The following WDPCP variants were observed in gnomAD, a reference collection of about 807,000 sequenced individuals.
WDPCP encodes WD repeat containing planar cell polarity effector.
In WDPCP, 71 loss-of-function variants were observed where a neutral mutation model predicts 93.1. That is an observed-to-expected ratio of 0.76 (90% confidence interval 0.63 to 0.93). The LOEUF (loss-of-function observed/expected upper bound fraction) is 0.93, where lower values mean the gene tolerates loss of function less well. Among genes scored for constraint, WDPCP ranks in the 40% least tolerant of loss-of-function variants. The probability of loss-of-function intolerance (pLI) is 0.00; values close to 1 mark genes in which losing one functional copy is unlikely to be tolerated. For missense variants in WDPCP, 844 were observed against 887.4 expected, an observed-to-expected ratio of 0.95 and a Z score of 0.62; for synonymous variants, 315 against 315.0, an observed-to-expected ratio of 1.00 and a Z score of 0.00.
intron 13 of WDPCP, among the ~76,000 whole-genome samples, chr2:63,266,399 A>T (rs1186714218): frequency 6.6e-6 from 1 of 152,236 alleles, no homozygotes; most frequent in African/African-American, 2.4e-5. Context: ...AATTCCATTT[A>T]TACTAGCACC....
In WDPCP at chr2:63,174,699, T is replaced by C; in HGVS notation, c.2049A>G (p.Gln683=). 2 of 1,613,980 alleles carry C rather than the reference T, an allele frequency of 1.2e-6. No homozygotes were observed. The highest frequency in any genetic ancestry group is 1.1e-5 in the South Asian group (1 of 91,078). Residue 683 remains glutamine (Q), a synonymous_variant, in exon 15 of 18, where the codon CAA becomes CAG. Transcript: ENST00000272321. ...PSCPTHRHIL[Q]QRILNGSSNR... is the part of the protein sequence containing the mutation. ...TAGAAGAGCCATTCAGTATTCTTTG[T>C]TGTAAAATATGTCTGTGGGTTGGGC...
Position 63,420,531 on chromosome 2 carries a change from T to A in WDPCP, c.825+13214A>T, listed in dbSNP as rs1328614320. On this transcript the variant is annotated intron_variant, in intron 9 of 17. Coordinates refer to ENST00000272321, the MANE Select transcript of WDPCP (RefSeq NM_015910.7). ...CCTGGGCAACAGAAGTGAAACTCCA[T>A]CTCAAAAAAAAAAAAAAAGAATGAA... Among the ~76,000 whole-genome samples the A allele has an allele frequency of 1.7e-4, 20 of 119,050 alleles. No individual in the cohort carries two copies. In the East Asian group the frequency reaches 6.6e-3, roughly 39 times the overall value. 78.1% of individuals were successfully genotyped at this position (119,050 alleles called of 152,430 possible).
At chr2:63,816,765 TATTCATAA>T (rs1670938245) in intron 1 of WDPCP, among the ~76,000 whole-genome samples, 1 of 152,186 alleles carries the variant, frequency 6.6e-6, no homozygotes, top group South Asian at 2.1e-4. Context: ...AAATGTGGTA[TATTCATAA>T]AATGGAATGC....
chr2:63,529,544 C>G (rs1036312014), intron 1 of WDPCP, among the ~76,000 whole-genome samples: 2 of 152,180 alleles, frequency 1.3e-5, no homozygotes, highest in South Asian at 2.1e-4. Flanking sequence ...TTGAACCAGG[C>G]TTGCATCCCA....
chr2:63,416,844 T>C (rs904785965), intron 9 of WDPCP, among the ~76,000 whole-genome samples: 2 of 152,204 alleles, frequency 1.3e-5, no homozygotes, highest in Non-Finnish European at 2.9e-5. Context: ...ATGTTTAAAG[T>C]ATTTTAAATA....
Position 63,503,696 on chromosome 2 carries a change from A to T in WDPCP, c.76-10756T>A, listed in dbSNP as rs568510033. Among the ~76,000 whole-genome samples the T allele has an allele frequency of 2.0e-5, 3 of 152,318 alleles. No homozygotes were observed. The South Asian group carries it at 6.2e-4, about 32-fold the overall frequency. On this transcript the variant is annotated intron_variant, in intron 1 of 17. Transcript: ENST00000272321. ...ATTAAAACTCTATAAATATAATTTT[A>T]TGCCATACTTGAATAAATTGAAAAA...
At chr2:63,127,876 A>C (rs1055512096) in intron 17 of WDPCP, among the ~76,000 whole-genome samples, 3 of 151,988 alleles carry the variant, frequency 2.0e-5, no homozygotes, top group Non-Finnish European at 4.4e-5. Flanking sequence ...ATGGTGGCTC[A>C]CGACTGTAAT....
chr2:63,722,153 C>T (rs1271934991), intron 2 of WDPCP, among the ~76,000 whole-genome samples: 3 of 152,088 alleles, frequency 2.0e-5, no homozygotes, highest in African/African-American at 7.2e-5. Flanking sequence ...GCCGCCACCC[C>T]GTCTGGGAAG....
At chr2:63,175,947 A>C (rs186047672) in intron 14 of WDPCP, among the ~76,000 whole-genome samples, 41 of 152,286 alleles carry the variant, frequency 2.7e-4, no homozygotes, top group Middle Eastern at 3.4e-3. Context: ...ACATATACTC[A>C]GAAGGGGGAT....
At chr2:63,790,782 A>G (rs1575773926) in intron 2 of WDPCP, among the ~76,000 whole-genome samples, 1 of 152,240 alleles carries the variant, frequency 6.6e-6, no homozygotes, top group East Asian at 1.9e-4. Flanking sequence ...ACTTAATGAC[A>G]TAAGGAAAAT....
chr2:63,735,510 T>C (rs773074677), intron 2 of WDPCP, among the ~76,000 whole-genome samples: 1 of 152,138 alleles, frequency 6.6e-6, no homozygotes, highest in African/African-American at 2.4e-5. Flanking sequence ...TTGGATGCCA[T>C]GAGAAAGAGT....
chr2:63,318,967 A>G (rs548626420), intron 12 of WDPCP, among the ~76,000 whole-genome samples: 2 of 152,308 alleles, frequency 1.3e-5, no homozygotes, highest in African/African-American at 4.8e-5. Flanking sequence ...AAGTTTAAAA[A>G]AAGAAAAAGC....
At chr2:63,739,490 G>A (rs972591147) in intron 2 of WDPCP, among the ~76,000 whole-genome samples, 5 of 151,972 alleles carry the variant, frequency 3.3e-5, no homozygotes, top group African/African-American at 4.8e-5. Flanking sequence ...ATGAACATTC[G>A]GATGCATATA....
At position 63,246,051 on chromosome 2, in the gene WDPCP, T is replaced by C. The variant is rs946898603; in HGVS notation, c.1915+13256A>G. ...CTGACACCAGAACAAGTCTATAATA[T>C]TGATGAAACATCACTGTTTTTGTTA... is the stretch of plus-strand genomic sequence containing the variant. On this transcript the variant is annotated intron_variant, in intron 14 of 17. Transcript: ENST00000272321. Among the ~76,000 whole-genome samples the C allele has an allele frequency of 5.3e-5, 8 of 152,290 alleles. No homozygotes were observed. In the Middle Eastern group the frequency reaches 0.01, roughly 194 times the overall value.
chr2:63,258,962 G>A (rs1164435369), intron 14 of WDPCP, among the ~76,000 whole-genome samples: 3 of 152,240 alleles, frequency 2.0e-5, no homozygotes, highest in South Asian at 4.2e-4. Context: ...ACATGTCTGT[G>A]TATAAATAAA....
chr2:63,120,166 A>G lies in WDPCP; in HGVS notation c.*1840T>C, dbSNP rs1267060589. On this transcript the variant is annotated 3_prime_UTR_variant, in exon 18 of 18. Transcript: ENST00000272321. Reference sequence around the variant, plus strand: ...ATCTGGAGAAAATTCTGCAATCTTGACAAAACCCTATTTTTTTAAATACAA... The same window carrying G: ...ATCTGGAGAAAATTCTGCAATCTTGGCAAAACCCTATTTTTTTAAATACAA... Among the ~76,000 whole-genome samples the G allele has an allele frequency of 6.6e-6, 1 of 152,160 alleles. No individual in the cohort carries two copies. Among genetic ancestry groups the G allele is most frequent in the Non-Finnish European group, 1.5e-5 (1 of 68,028 alleles).
chr2:63,297,533 G>A (rs1684965303), intron 13 of WDPCP, among the ~76,000 whole-genome samples: 1 of 152,102 alleles, frequency 6.6e-6, no homozygotes, highest in Non-Finnish European at 1.5e-5. Flanking sequence ...ATGTGGAGGA[G>A]CATTTCAGCC....
At chr2:63,176,307 A>ACAAT (rs1277397984) in intron 14 of WDPCP, among the ~76,000 whole-genome samples, 1 of 151,920 alleles carries the variant, frequency 6.6e-6, no homozygotes, top group African/African-American at 2.4e-5. Context: ...GTGCAGTATC[A>ACAAT]CAATCATGGC....
At chr2:63,413,224 T>TA (rs1695150269) in intron 9 of WDPCP, among the ~76,000 whole-genome samples, 1 of 152,108 alleles carries the variant, frequency 6.6e-6, no homozygotes, top group Non-Finnish European at 1.5e-5. Flanking sequence ...CCCAAATACT[T>TA]ACAGCCAACT....
Sources: gnomAD v4.1 joint callset for allele counts (sites outside exome capture counted in the v4.1 genomes callset) on GRCh38, gnomAD v4.1.1 for gene constraint, MANE v1.5 for transcripts, NCBI Gene and HGNC (gene_info 2026-07-23, HGNC 2026-07-21) for gene names.